Variants in FAM135B observed in about 807,000 individuals in gnomAD.
FAM135B encodes the protein protein FAM135B.
Under a neutral mutation model 127.7 loss-of-function variants are expected in FAM135B, and 43 were observed. That is an observed-to-expected ratio of 0.34 (90% confidence interval 0.26 to 0.43). The LOEUF is 0.43. FAM135B is among the 20% of genes least tolerant of loss of function. The pLI, the probability that FAM135B is intolerant of heterozygous loss-of-function variation, is 1.00. For missense variants in FAM135B, 1,558 were observed against 1,725.6 expected (o/e 0.90, Z 1.72); for synonymous variants, 670 against 665.1 (o/e 1.01, Z -0.11).
chr8:138,308,315 G>A (rs1826414171), intron 3 of FAM135B, among the ~76,000 whole-genome samples: 1 of 152,294 alleles, frequency 6.6e-6, no homozygotes, highest in Admixed American at 6.5e-5. Context: ...TCAGCTGAAG[G>A]TAGTGCATAA....
rs2130903121 is a variant in FAM135B at position 138,168,021 on chromosome 8, C to A, written c.1132G>T (p.Asp378Tyr). The change falls in exon 12 of 20, where the codon GAT becomes TAT. Residue 378 changes from aspartate (D) to tyrosine (Y), a missense_variant. By Grantham distance (160) the Asp-to-Tyr change is radical. Transcript: ENST00000395297. ...GTGAGGTACTCCGAGTTCCGGATATCCAGGGACAGCTGGCTGTGCGTCTGT... is the reference window on the plus strand; with the variant it reads ...GTGAGGTACTCCGAGTTCCGGATATACAGGGACAGCTGGCTGTGCGTCTGT... ...LIQTHSQLSL[D>Y]IRNSEYLTSM... 3 of 1,613,632 alleles carry A rather than the reference C, an allele frequency of 1.9e-6. No homozygotes were observed. The highest frequency in any genetic ancestry group is 2.5e-6 in the Non-Finnish European group (3 of 1,179,734).
chr8:138,138,863 T>G, intron 18 of FAM135B, 123 bp downstream of exon 18: 1 of 658,300 alleles, frequency 1.5e-6, no homozygotes, highest in Non-Finnish European at 2.7e-6. Flanking sequence ...AGGCTTTGAG[T>G]GCTGGGCCTC....
intron 5 of FAM135B, among the ~76,000 whole-genome samples, chr8:138,253,757 T>C (rs564359705): frequency 4.6e-5 from 7 of 152,292 alleles, no homozygotes; most frequent in African/African-American, 1.7e-4. Context: ...CCGTCCCTCA[T>C]ATGAGAGGCT....
intron 1 of FAM135B, among the ~76,000 whole-genome samples, chr8:138,468,768 G>A (rs563505131): frequency 8.3e-4 from 126 of 152,316 alleles, no homozygotes; most frequent in Non-Finnish European, 1.5e-3. Context: ...TTGGAGGCCG[G>A]ATACGGTGGC....
intron 1 of FAM135B, among the ~76,000 whole-genome samples, chr8:138,369,163 C>G (rs1377865967): frequency 6.6e-6 from 1 of 152,082 alleles, no homozygotes; most frequent in East Asian, 1.9e-4. Flanking sequence ...GAGGTAATGA[C>G]TTGCAATATA....
At chr8:138,327,908 T>A (rs1413605058) in intron 2 of FAM135B, among the ~76,000 whole-genome samples, 1 of 152,112 alleles carries the variant, frequency 6.6e-6, no homozygotes, top group South Asian at 2.1e-4. Flanking sequence ...TACAAGGTAG[T>A]AGAACATATG....
intron 3 of FAM135B, among the ~76,000 whole-genome samples, chr8:138,275,670 A>C (rs776379774): frequency 1.3e-5 from 2 of 152,138 alleles, no homozygotes; most frequent in Non-Finnish European, 2.9e-5. Flanking sequence ...ACTCTGGCCT[A>C]GGTGACAGAA....
intron 1 of FAM135B, among the ~76,000 whole-genome samples, chr8:138,417,346 C>G (rs767835457): frequency 5.3e-5 from 8 of 152,324 alleles, no homozygotes; most frequent in Non-Finnish European, 7.3e-5. Context: ...ACTGGCAGAC[C>G]TGCCTAAAGC....
chr8:138,318,783 C>A (rs1214152584), intron 2 of FAM135B, among the ~76,000 whole-genome samples: 6 of 152,196 alleles, frequency 3.9e-5, no homozygotes, highest in Non-Finnish European at 8.8e-5. Context: ...TTATATTGAA[C>A]TTCAGATACT....
At chr8:138,208,040 T>C (rs1456024328) in intron 7 of FAM135B, among the ~76,000 whole-genome samples, 3 of 152,200 alleles carry the variant, frequency 2.0e-5, no homozygotes, top group Non-Finnish European at 2.9e-5. Flanking sequence ...TCAGTGCTGC[T>C]TCACACCCAA....
intron 3 of FAM135B, among the ~76,000 whole-genome samples, chr8:138,291,354 A>G (rs1825096647): frequency 6.6e-6 from 1 of 152,156 alleles, no homozygotes; most frequent in African/African-American, 2.4e-5. Context: ...AATGACCATC[A>G]CACAAGCATT....
intron 6 of FAM135B, 140 bp downstream of exon 6, chr8:138,250,700 GT>G (rs1227678720): frequency 2.2e-6 from 2 of 907,846 alleles, no homozygotes; most frequent in Admixed American, 5.1e-5. Flanking sequence ...ATGCTCCTCA[GT>G]GAGGCCCAAA....
At chr8:138,427,645 C>T (rs1189654841) in intron 1 of FAM135B, among the ~76,000 whole-genome samples, 1 of 151,904 alleles carries the variant, frequency 6.6e-6, no homozygotes. Flanking sequence ...AAGGTTAGGC[C>T]ACTACATTGT....
chr8:138,242,886 C>T lies in FAM135B; in HGVS notation c.669+56G>A, dbSNP rs1477116496. On this transcript the variant is annotated intron_variant, in intron 7 of 19. Transcript: ENST00000395297. The surrounding 1 kb of genome is among the most constrained non-coding windows in gnomAD (Gnocchi z 9.6). ...AGAAGCATGAATCTCATAGAACATACACTCTGCAAAGTAAAGTTTGAAAGT... is the reference window on the plus strand; with the variant it reads ...AGAAGCATGAATCTCATAGAACATATACTCTGCAAAGTAAAGTTTGAAAGT... The T allele has an allele frequency of 5.7e-6, 9 of 1,575,528 alleles. No homozygotes were observed. The highest frequency in any genetic ancestry group is 4.5e-5 in the East Asian group (2 of 44,286).
chr8:138,404,178 T>C (rs574970689), intron 1 of FAM135B, among the ~76,000 whole-genome samples: 6 of 152,222 alleles, frequency 3.9e-5, no homozygotes, highest in African/African-American at 1.4e-4. Context: ...ATAATAAAAA[T>C]AACTATTCAT....
chr8:138,442,859 G>T lies in FAM135B; in HGVS notation c.-20+53812C>A, dbSNP rs752758865. Among the ~76,000 whole-genome samples, 3 of 152,130 alleles carry T rather than the reference G, an allele frequency of 2.0e-5. No homozygotes were observed. The South Asian group carries it at 6.2e-4, about 31-fold the overall frequency. ...ATTTGATAAGACAAGGACAGCAATG[G>T]AGTTTGGGAAATGGATCAATTTTAA... On this transcript the variant is annotated intron_variant, in intron 1 of 19. Coordinates refer to ENST00000395297, the MANE Select transcript of FAM135B (RefSeq NM_015912.4).
intron 11 of FAM135B, among the ~76,000 whole-genome samples, chr8:138,176,784 C>A (rs890564077): frequency 1.3e-5 from 2 of 152,142 alleles, no homozygotes; most frequent in Non-Finnish European, 2.9e-5. Flanking sequence ...GACCAGAGGA[C>A]AAAACATATT....
intron 17 of FAM135B, among the ~76,000 whole-genome samples, chr8:138,140,366 C>T (rs1001295065): frequency 2.0e-5 from 3 of 152,288 alleles, no homozygotes; most frequent in South Asian, 2.1e-4. Flanking sequence ...TGGGTTTGAA[C>T]AATCAGGGAC....
intron 1 of FAM135B, among the ~76,000 whole-genome samples, chr8:138,423,687 C>G (rs1834662387): frequency 6.6e-6 from 1 of 152,128 alleles, no homozygotes; most frequent in African/African-American, 2.4e-5. Context: ...TTCGGGCACA[C>G]ATTTTCATTG....
Sources: gnomAD v4.1 joint callset for allele counts (sites outside exome capture counted in the v4.1 genomes callset) on GRCh38, gnomAD v4.1.1 for gene constraint, Gnocchi (gnomAD v3.1) non-coding constraint, MANE v1.5 for transcripts, NCBI Gene and HGNC (gene_info 2026-07-23, HGNC 2026-07-21) for gene names.